The following EFHC1 variants were observed in gnomAD, a reference collection of about 807,000 sequenced individuals.
EFHC1 encodes EF-hand domain containing 1, also known as EF-hand domain-containing protein 1.
In EFHC1, 53 loss-of-function variants were observed where a neutral mutation model predicts 69.9. The ratio of observed to expected loss-of-function variants is 0.76; its 90% CI spans 0.61 to 0.95. The LOEUF (loss-of-function observed/expected upper bound fraction) is 0.95, where lower values mean the gene tolerates loss of function less well. Ranked by LOEUF, EFHC1 falls within the 40% of genes least tolerant of loss-of-function variation. The probability of loss-of-function intolerance (pLI) is 0.00; values close to 1 mark genes in which losing one functional copy is unlikely to be tolerated. For missense variants in EFHC1, 739 were observed against 798.7 expected (o/e 0.93, Z 0.90); for synonymous variants, 256 against 278.4 (o/e 0.92, Z 0.80).
Position 52,493,386 on chromosome 6 carries a change from T to TACATATATATATATATA in EFHC1, c.*1045_*1046insACATATATATATATATA, listed in dbSNP as rs60720755. The TACATATATATATATATA allele has an allele frequency of 1.7e-5, 2 of 120,230 alleles. No individual in the cohort carries two copies. Among genetic ancestry groups the TACATATATATATATATA allele is most frequent in the African/African-American group, 8.7e-5 (2 of 23,042 alleles). The allele number at this position is 120,230 out of a possible 1,614,324, so 7.4% of individuals were successfully genotyped here. ...TCTACATATATATATATATATATATTTTATATGTACACATTCATACACACA... is the reference window on the plus strand; with the variant it reads ...TCTACATATATATATATATATATATTACATATATATATATATATTATATGTACACATTCATACACACA... On this transcript the variant is annotated 3_prime_UTR_variant, in exon 11 of 11. Transcript: ENST00000371068.
chr6:52,429,453 C>A (rs1293019964), intron 2 of EFHC1, among the ~76,000 whole-genome samples: 1 of 152,084 alleles, frequency 6.6e-6, no homozygotes, highest in Non-Finnish European at 1.5e-5. Flanking sequence ...ATAGGGTGTC[C>A]TTTCCTCACT....
At chr6:52,484,635 T>C (rs918716455) in intron 9 of EFHC1, 1 of 152,214 alleles carries the variant, frequency 6.6e-6, no homozygotes, top group East Asian at 1.9e-4. Flanking sequence ...AATGACTAAG[T>C]ATTATCACAA....
Position 52,496,575 on chromosome 6 carries a change from ATT to A in EFHC1, c.*4237_*4238del, listed in dbSNP as rs1766068828. On this transcript the variant is annotated 3_prime_UTR_variant, in exon 11 of 11. Coordinates refer to ENST00000371068, the MANE Select transcript of EFHC1 (RefSeq NM_018100.4). ...GAGTATCCTGCTGGCACATAAGTTC[ATT>A]TTAAAAAGCCAATATGAGTGCTTTA... The A allele has an allele frequency of 3.3e-5, 5 of 152,318 alleles. No individual in the cohort carries two copies. Among genetic ancestry groups the A allele is most frequent in the African/African-American group, 1.2e-4 (5 of 41,580 alleles). The allele number at this position is 152,318 out of a possible 1,614,324, so 9.4% of individuals were successfully genotyped here.
intron 9 of EFHC1, chr6:52,487,258 A>G (rs1396603386): frequency 6.6e-6 from 1 of 152,152 alleles, no homozygotes; most frequent in Non-Finnish European, 1.5e-5. Flanking sequence ...TCTGATCTAC[A>G]TATAATATTG....
intron 2 of EFHC1, among the ~76,000 whole-genome samples, chr6:52,427,980 G>T (rs901397681): frequency 3.3e-5 from 5 of 152,034 alleles, no homozygotes; most frequent in Non-Finnish European, 7.4e-5. Context: ...AGCTAACATT[G>T]TGACCTTGTA....
chr6:52,434,255 G>A (rs537994576), intron 2 of EFHC1, among the ~76,000 whole-genome samples: 5 of 152,294 alleles, frequency 3.3e-5, no homozygotes, highest in African/African-American at 4.8e-5. Flanking sequence ...CCTTCTTCCT[G>A]TGGCCTTTTC....
chr6:52,423,833 G>GTTTTT, intron 1 of EFHC1, 113 bp from the exon 2 acceptor site: 1 of 1,542,938 alleles, frequency 6.5e-7, no homozygotes, highest in African/African-American at 1.4e-5. Flanking sequence ...CTTGATGTAA[G>GTTTTT]TTTTGTGATG....
chr6:52,420,476 G>A lies in EFHC1; in HGVS notation c.63+3G>A. 3 of 1,614,186 alleles carry A rather than the reference G, an allele frequency of 1.9e-6. No individual in the cohort carries two copies. The highest frequency in any genetic ancestry group is 2.5e-6 in the Non-Finnish European group (3 of 1,180,030). ...GCACGTCCTTTAAGGACTCTACGGT[G>A]AGCAGTTATCTGCCAGACTCCCACC... On this transcript the variant is annotated splice_donor_region_variant and intron_variant, in intron 1 of 10. Coordinates refer to ENST00000371068, the MANE Select transcript of EFHC1 (RefSeq NM_018100.4).
intron 3 of EFHC1, among the ~76,000 whole-genome samples, chr6:52,452,485 A>G (rs942978473): frequency 6.6e-6 from 1 of 152,146 alleles, no homozygotes; most frequent in Non-Finnish European, 1.5e-5. Context: ...ATGTTTTTGT[A>G]GAAACAGGGT....
intron 1 of EFHC1, among the ~76,000 whole-genome samples, chr6:52,422,874 A>G (rs2113965614): frequency 6.6e-6 from 1 of 152,330 alleles, no homozygotes; most frequent in African/African-American, 2.4e-5. Flanking sequence ...ATAATTTTAT[A>G]TGTTGCTTTT....
intron 7 of EFHC1, among the ~76,000 whole-genome samples, chr6:52,474,696 A>G (rs1206360579): frequency 1.3e-5 from 2 of 152,386 alleles, no homozygotes; most frequent in Non-Finnish European, 2.9e-5. Context: ...TAATAACAAC[A>G]TGGCTAAATC....
intron 6 of EFHC1, among the ~76,000 whole-genome samples, chr6:52,466,620 T>C (rs1383997816): frequency 6.6e-6 from 1 of 152,246 alleles, no homozygotes; most frequent in African/African-American, 2.4e-5. Context: ...GACTATGTCC[T>C]ATTCATCTTT....
intron 9 of EFHC1, chr6:52,485,063 T>G (rs1279150198): frequency 6.6e-6 from 1 of 152,120 alleles, no homozygotes; most frequent in East Asian, 1.9e-4. Context: ...TCTCATTTCA[T>G]GGACACATCT....
Position 52,492,535 on chromosome 6 carries a change from AG to A in EFHC1, c.*198del, listed in dbSNP as rs1290313771. 2.9e-6 allele frequency: 2 copies of A among 696,238 alleles called. No homozygotes were observed. Among genetic ancestry groups the A allele is most frequent in the African/African-American group, 3.5e-5 (2 of 56,954 alleles). 43.1% of individuals were successfully genotyped at this position (696,238 alleles called of 1,614,324 possible). A position where few individuals can be genotyped will look rare whatever the true frequency, so the allele number is the denominator to read the frequency against. ...AGATTGGTGCCTTATTTAGGGTGAT[AG>A]GGGTATAGCAATGTCTAATTTTGTG... On this transcript the variant is annotated 3_prime_UTR_variant, in exon 11 of 11. Transcript: ENST00000371068.
At chr6:52,448,272 C>T (rs749124019) in intron 3 of EFHC1, among the ~76,000 whole-genome samples, 3 of 152,242 alleles carry the variant, frequency 2.0e-5, no homozygotes, top group Non-Finnish European at 4.4e-5. Context: ...TCAGCAATGG[C>T]GGATGCCCCT....
rs551982576 is a variant in EFHC1, at chr6:52,452,551, C to T, written c.574-137C>T. ...TCCTGCGTTTCAGGAGTCCTCCTAC[C>T]TCAGCCTCCCAAAGTGCTGAGATTG... On this transcript the variant is annotated intron_variant, in intron 3 of 10. Transcript: ENST00000371068. The T allele has an allele frequency of 1.2e-5, 11 of 952,924 alleles. No individual in the cohort carries two copies. In the East Asian group the frequency reaches 2.6e-4, roughly 22 times the overall value. The allele number at this position is 952,924 out of a possible 1,614,324, so 59.0% of individuals were successfully genotyped here.
intron 9 of EFHC1, chr6:52,487,092 A>G (rs1450825056): frequency 3.3e-5 from 5 of 151,918 alleles, no homozygotes; most frequent in Non-Finnish European, 7.4e-5. Flanking sequence ...TGACTACTCA[A>G]CTCTACCCTT....
intron 9 of EFHC1, chr6:52,482,564 G>A (rs909165408): frequency 1.1e-4 from 42 of 368,542 alleles, no homozygotes; most frequent in African/African-American, 7.9e-4. Context: ...CAGACTGAAC[G>A]TCTGTTCTGT....
intron 10 of EFHC1, 196 bp downstream of exon 10, chr6:52,490,546 C>T: frequency 1.6e-6 from 1 of 626,386 alleles, no homozygotes; most frequent in Non-Finnish European, 2.8e-6. Context: ...TGTTGCAGGG[C>T]ATCTCTTTAA....
Sources: gnomAD v4.1 joint callset for allele counts (sites outside exome capture counted in the v4.1 genomes callset) on GRCh38, gnomAD v4.1.1 for gene constraint, MANE v1.5 for transcripts, NCBI Gene and HGNC (gene_info 2026-07-23, HGNC 2026-07-21) for gene names.